Variants in PTPN23 observed in about 807,000 individuals in gnomAD.
PTPN23 encodes tyrosine-protein phosphatase non-receptor type 23.
In PTPN23, 72 loss-of-function variants were observed where a neutral mutation model predicts 156.3. That is an observed-to-expected ratio of 0.46 (90% CI 0.38 to 0.56). The LOEUF (loss-of-function observed/expected upper bound fraction) is 0.56, where lower values mean the gene tolerates loss of function less well. Ranked by LOEUF, PTPN23 falls within the 20% of genes least tolerant of loss-of-function variation. The probability of loss-of-function intolerance (pLI) is 0.00; values close to 1 mark genes in which losing one functional copy is unlikely to be tolerated. For missense variants in PTPN23, 1,974 were observed against 2,171.5 expected (o/e 0.91, Z 1.81); for synonymous variants, 957 against 899.6 (o/e 1.06, Z -1.14).
At chr3:47,408,103 C>G (rs1446554048) in intron 14 of PTPN23, 148 bp downstream of exon 14, 1 of 1,058,162 alleles carries the variant, frequency 9.5e-7, no homozygotes, top group Non-Finnish European at 1.4e-6. Flanking sequence ...GGTGGTGGGG[C>G]TAGTGTGTAA....
chr3:47,407,311 C>T lies in PTPN23; in HGVS notation c.867C>T (p.Gly289=). 1 of 1,613,926 alleles carries T rather than the reference C, an allele frequency of 6.2e-7. No homozygotes were observed. The highest frequency in any genetic ancestry group is 8.5e-7 in the Non-Finnish European group (1 of 1,179,914). ...KLNEAIKLAK[G]QPDTVQDALR... ...CACCCCTGTCCCTAACCCCACAGGG[C>T]CAGCCTGACACTGTGCAAGACGCGC... The change falls in exon 11 of 25, where the codon GGC becomes GGT. Residue 289 remains glycine (G), a splice_region_variant and synonymous_variant. Transcript: ENST00000265562. This position sits in a 1 kb window ranked among gnomAD's most constrained non-coding sequence, Gnocchi z 4.0.
At position 47,397,216 on chromosome 3, in the gene PTPN23, A is replaced by G. The variant is rs536681692; in HGVS notation, c.159+999A>G. On this transcript the variant is annotated intron_variant, in intron 2 of 24. Transcript: ENST00000265562. ...GATCACTGATCACCATAACAGATAT[A>G]TAATAAAAAAGTTTGAAATATTGTG... Among the ~76,000 whole-genome samples the G allele has an allele frequency of 9.2e-5, 14 of 152,334 alleles. No homozygotes were observed. The Middle Eastern group carries it at 0.017, about 185-fold the overall frequency.
intron 1 of PTPN23, among the ~76,000 whole-genome samples, chr3:47,385,585 G>A (rs1704636830): frequency 6.6e-6 from 1 of 152,150 alleles, no homozygotes; most frequent in Admixed American, 6.5e-5. Context: ...GGCTGAGGTG[G>A]GAGGATCACT....
chr3:47,405,112 A>G lies in PTPN23; in HGVS notation c.364+31A>G, dbSNP rs555843561. 3.1e-6 allele frequency: 5 copies of G among 1,601,702 alleles called. No individual in the cohort carries two copies. In the South Asian group the frequency reaches 4.4e-5, roughly 14 times the overall value. Reference sequence around the variant, plus strand: ...CTGCCTGATCCCTTCCCCCGGCCCTACTCCCCAGTCCTGCCAGCCTAGCTT... The same window carrying G: ...CTGCCTGATCCCTTCCCCCGGCCCTGCTCCCCAGTCCTGCCAGCCTAGCTT... On this transcript the variant is annotated intron_variant, in intron 4 of 24. Transcript: ENST00000265562. This position sits in a 1 kb window ranked among gnomAD's most constrained non-coding sequence, Gnocchi z 4.7.
rs1419993719 is a variant in PTPN23, at chr3:47,406,018, T to A, written c.518T>A (p.Ile173Asn). 1 of 1,613,330 alleles carries A rather than the reference T, an allele frequency of 6.2e-7. No individual in the cohort carries two copies. The highest frequency in any genetic ancestry group is 1.7e-5 in the Admixed American group (1 of 59,952). ...QAYSVDMSRQ[I>N]LTLNVNLMLG... ...TACAGCGTCGACATGAGCCGCCAGA[T>A]CCTTACGCTCAACGTCAACCTCATG... The change falls in exon 6 of 25, where the codon ATC (isoleucine) becomes AAC (asparagine). Residue 173 changes from isoleucine (I) to asparagine (N), a missense_variant. By Grantham distance (149) the Ile-to-Asn change is moderately radical. Around this residue, in one of 4 missense-constraint regions of PTPN23, gnomAD observed 726 missense variants for 929.5 expected, o/e 0.78. Transcript: ENST00000265562. The surrounding 1 kb of genome is among the most constrained non-coding windows in gnomAD (Gnocchi z 5.8).
chr3:47,407,515 G>A lies in PTPN23; in HGVS notation c.934G>A (p.Ala312Thr). The change falls in exon 12 of 25, where the codon GCC becomes ACC. Residue 312 changes from alanine to threonine, a missense_variant. Physicochemically the swap from Ala to Thr is moderately conservative, Grantham distance 58 (BLOSUM62 0). Around this residue, in one of 4 missense-constraint regions of PTPN23, gnomAD observed 726 missense variants for 929.5 expected, o/e 0.78. Transcript: ENST00000265562. The surrounding 1 kb of genome is among the most constrained non-coding windows in gnomAD (Gnocchi z 4.0). ...MDVIGGKYNS[A>T]KKDNDFIYHE... Reference sequence around the variant, plus strand: ...GCTCCTGATCCCCAGGTACAATTCTGCCAAGAAGGACAACGACTTCATTTA... The same window carrying A: ...GCTCCTGATCCCCAGGTACAATTCTACCAAGAAGGACAACGACTTCATTTA... 2 of 1,613,976 alleles carry A rather than the reference G, an allele frequency of 1.2e-6. No homozygotes were observed. The highest frequency in any genetic ancestry group is 8.5e-7 in the Non-Finnish European group (1 of 1,179,924).
chr3:47,386,734 T>G (rs1171710131), intron 1 of PTPN23, among the ~76,000 whole-genome samples: 1 of 152,200 alleles, frequency 6.6e-6, no homozygotes, highest in Non-Finnish European at 1.5e-5. Flanking sequence ...GTGACCTGTC[T>G]TATCTCTTGT....
intron 1 of PTPN23, among the ~76,000 whole-genome samples, chr3:47,390,459 T>C (rs1704750537): frequency 6.6e-6 from 1 of 152,176 alleles, no homozygotes; most frequent in Non-Finnish European, 1.5e-5. Context: ...GTCTTCTTCC[T>C]GTTAGTTGTG....
chr3:47,409,971 C>T lies in PTPN23; in HGVS notation c.2173C>T (p.Pro725Ser), dbSNP rs1391981143. The T allele has an allele frequency of 6.3e-7, 1 of 1,581,734 alleles. No homozygotes were observed. Among genetic ancestry groups the T allele is most frequent in the Non-Finnish European group, 8.6e-7 (1 of 1,166,194 alleles). ...GCCGCCACGGCCCACAGCCCCAAAG[C>T]CGCTGCTGCCCCGCAGGGAGGAGAG... ...KPPPRPTAPK[P>S]LLPRREESEA... The change falls in exon 20 of 25, where the codon CCG becomes TCG. Residue 725 changes from proline (P) to serine (S), a missense_variant. Transcript: ENST00000265562.
chr3:47,402,447 T>C (rs1705014698), intron 2 of PTPN23, among the ~76,000 whole-genome samples: 1 of 152,016 alleles, frequency 6.6e-6, no homozygotes, highest in South Asian at 2.1e-4. Context: ...GCCTGGCTAC[T>C]TTTTGTGTTT....
chr3:47,405,996 A>G lies in PTPN23; in HGVS notation c.496A>G (p.Ser166Gly), dbSNP rs1325762026. Residue 166 changes from serine (S) to glycine (G), a missense_variant, in exon 6 of 25, where the codon AGC (serine) becomes GGC (glycine). Coordinates refer to ENST00000265562, the MANE Select transcript of PTPN23 (RefSeq NM_015466.4). The surrounding 1 kb of genome is among the most constrained non-coding windows in gnomAD (Gnocchi z 4.7). ...ACGGGAGCACTTCCCTCAAGCCTAC[A>G]GCGTCGACATGAGCCGCCAGATCCT... ...YLREHFPQAYSVDMSRQILTL... is the reference protein window; with the variant it reads ...YLREHFPQAYGVDMSRQILTL... The G allele has an allele frequency of 6.2e-7, 1 of 1,613,650 alleles. No individual in the cohort carries two copies. Among genetic ancestry groups the G allele is most frequent in the East Asian group, 2.2e-5 (1 of 44,882 alleles).
chr3:47,411,245 T>A lies in PTPN23; in HGVS notation c.3447T>A (p.Ala1149=), dbSNP rs1705280241. The A allele has an allele frequency of 1.2e-6, 2 of 1,608,450 alleles. No homozygotes were observed. Among genetic ancestry groups the A allele is most frequent in the Admixed American group, 3.3e-5 (2 of 59,972 alleles). The change falls in exon 20 of 25, where the codon GCT becomes GCA. Residue 1149 remains alanine, a synonymous_variant. Transcript: ENST00000265562. The surrounding 1 kb of genome is among the most constrained non-coding windows in gnomAD (Gnocchi z 6.3). ...TGCAGCCCACCAAGGTGGATGCAGC[T>A]GAGGGTCGTCGGCCGCAGGCCCTGC... ...PLLQPTKVDA[A]EGRRPQALRL...
chr3:47,387,181 C>A (rs1213521752), intron 1 of PTPN23, among the ~76,000 whole-genome samples: 2 of 152,130 alleles, frequency 1.3e-5, no homozygotes, highest in Non-Finnish European at 2.9e-5. Context: ...CTGACATGGA[C>A]CAAGGAGCTG....
chr3:47,392,166 A>G (rs1704788440), intron 1 of PTPN23, among the ~76,000 whole-genome samples: 1 of 152,102 alleles, frequency 6.6e-6, no homozygotes, highest in Non-Finnish European at 1.5e-5. Flanking sequence ...GATTACAGGC[A>G]TGAGCCACTG....
rs1046986104 is a variant in PTPN23, at chr3:47,406,796, G to A, written c.807+46G>A. 4.3e-6 allele frequency: 7 copies of A among 1,609,752 alleles called. No individual in the cohort carries two copies. Among genetic ancestry groups the A allele is most frequent in the Non-Finnish European group, 5.1e-6 (6 of 1,178,312 alleles). On this transcript the variant is annotated intron_variant, in intron 9 of 24. Transcript: ENST00000265562. The surrounding 1 kb of genome is among the most constrained non-coding windows in gnomAD (Gnocchi z 5.8). ...GACTGGGGACCAATGGCAGCCTTCAGTGAGATGCCGGTGTGCTCCCGCTCC... is the reference window on the plus strand; with the variant it reads ...GACTGGGGACCAATGGCAGCCTTCAATGAGATGCCGGTGTGCTCCCGCTCC...
chr3:47,409,305 C>T lies in PTPN23; in HGVS notation c.1785C>T (p.His595=). 1 of 1,614,054 alleles carries T rather than the reference C, an allele frequency of 6.2e-7. No individual in the cohort carries two copies. The highest frequency in any genetic ancestry group is 8.5e-7 in the Non-Finnish European group (1 of 1,180,002). Residue 595 remains histidine (H), a synonymous_variant, in exon 17 of 25, where the codon CAC becomes CAT. Transcript: ENST00000265562. ...CTGCCTCGCTGGTCACCACAGACCA[C>T]TCAGAGATGAAGGTGGGCTGGGTGA... ...DITASLVTTD[H]SEMKKLFEEQ...
chr3:47,410,090 A>T lies in PTPN23; in HGVS notation c.2292A>T (p.Gly764=), dbSNP rs1354275048. 6.2e-7 allele frequency: 1 copy of T among 1,609,912 alleles called. No individual in the cohort carries two copies. Among genetic ancestry groups the T allele is most frequent in the Admixed American group, 1.7e-5 (1 of 59,530 alleles). ...AGPRLPDTFL[G]SATPLHFPPS... is the part of the protein sequence containing the mutation. ...CACGACTGCCTGACACCTTCCTGGG[A>T]AGTGCCACCCCGCTCCACTTTCCTC... Residue 764 remains glycine (G), a synonymous_variant, in exon 20 of 25, where the codon GGA becomes GGT. Transcript: ENST00000265562.
At position 47,405,064 on chromosome 3, in the gene PTPN23, G is replaced by A; in HGVS notation, c.347G>A (p.Cys116Tyr). 3 of 1,614,216 alleles carry A rather than the reference G, an allele frequency of 1.9e-6. No individual in the cohort carries two copies. The highest frequency in any genetic ancestry group is 2.5e-6 in the Non-Finnish European group (3 of 1,180,038). The change falls in exon 4 of 25, where the codon TGT (cysteine) becomes TAT (tyrosine). Residue 116 changes from cysteine to tyrosine, a missense_variant. Around this residue, in one of 4 missense-constraint regions of PTPN23, gnomAD observed 726 missense variants for 929.5 expected, o/e 0.78. Coordinates refer to ENST00000265562, the MANE Select transcript of PTPN23 (RefSeq NM_015466.4). The surrounding 1 kb of genome is among the most constrained non-coding windows in gnomAD (Gnocchi z 4.7). ...AHEDIKYEQACILYNLGALHS... is the reference protein window; with the variant it reads ...AHEDIKYEQAYILYNLGALHS... Reference sequence around the variant, plus strand: ...GAGGACATCAAGTACGAGCAGGCCTGTATTCTCTACAACCTTGGTGAGCTG... The same window carrying A: ...GAGGACATCAAGTACGAGCAGGCCTATATTCTCTACAACCTTGGTGAGCTG...
rs759884459 is a variant in PTPN23, at chr3:47,406,676, G to A, written c.760-27G>A. On this transcript the variant is annotated intron_variant, in intron 8 of 24. Coordinates refer to ENST00000265562, the MANE Select transcript of PTPN23 (RefSeq NM_015466.4). The surrounding 1 kb of genome is among the most constrained non-coding windows in gnomAD (Gnocchi z 5.8). ...TGAGTGGCCACAGCTCAGGAAGCAAGTCGTGGCGTCTCTTCTTCTTTCCCA... is the reference window on the plus strand; with the variant it reads ...TGAGTGGCCACAGCTCAGGAAGCAAATCGTGGCGTCTCTTCTTCTTTCCCA... 8.1e-6 allele frequency: 13 copies of A among 1,614,060 alleles called. No homozygotes were observed. Among genetic ancestry groups the A allele is most frequent in the Non-Finnish European group, 1.1e-5 (13 of 1,179,996 alleles).
Sources: gnomAD v4.1 joint callset for allele counts (sites outside exome capture counted in the v4.1 genomes callset) on GRCh38, gnomAD v4.1.1 for gene constraint, gnomAD v4.1.1 regional missense constraint, Gnocchi (gnomAD v3.1) non-coding constraint, MANE v1.5 for transcripts, NCBI Gene and HGNC (gene_info 2026-07-23, HGNC 2026-07-21) for gene names.